Variants in NEDD9 observed in about 807,000 individuals in gnomAD.
NEDD9 encodes the protein neural precursor cell expressed, developmentally down-regulated 9, also known as enhancer of filamentation 1.
In NEDD9, 26 loss-of-function variants were observed where a neutral mutation model predicts 76.6. That is an observed-to-expected ratio of 0.34 (90% CI 0.25 to 0.47). NEDD9 has a LOEUF of 0.47. Among genes scored for constraint, NEDD9 ranks in the 20% least tolerant of loss-of-function variants. The pLI, the probability that NEDD9 is intolerant of heterozygous loss-of-function variation, is 1.00. For synonymous variants in NEDD9, 392 were observed against 414.2 expected (o/e 0.95, Z 0.65); for missense variants, 937 against 1,058.5 (o/e 0.89, Z 1.59).
chr6:11,244,212 T>TG (rs1214479717), intron 3 of NEDD9, among the ~76,000 whole-genome samples: 1 of 152,160 alleles, frequency 6.6e-6, no homozygotes, highest in Non-Finnish European at 1.5e-5. Flanking sequence ...ATTTTGGACT[T>TG]GGAGACAACT....
intron 3 of NEDD9, among the ~76,000 whole-genome samples, chr6:11,290,456 T>C (rs1048481271): frequency 6.6e-6 from 1 of 152,182 alleles, no homozygotes; most frequent in African/African-American, 2.4e-5. Flanking sequence ...TAATTTTATA[T>C]CCCTTAGGAG....
chr6:11,374,283 C>A (rs554653212), intron 1 of NEDD9, among the ~76,000 whole-genome samples: 12 of 152,256 alleles, frequency 7.9e-5, no homozygotes, highest in African/African-American at 2.9e-4. Context: ...CTTCTCCACT[C>A]CGGTGGAGTG....
Position 11,189,993 on chromosome 6 carries a change from T to C in NEDD9, c.1876A>G (p.Met626Val). 5 of 1,523,542 alleles carry C rather than the reference T, an allele frequency of 3.3e-6. No individual in the cohort carries two copies. The highest frequency in any genetic ancestry group is 4.4e-6 in the Non-Finnish European group (5 of 1,137,612). 94.4% of individuals were successfully genotyped at this position (1,523,542 alleles called of 1,614,324 possible). Residue 626 changes from methionine (M) to valine (V), a missense_variant, in exon 5 of 7, where the codon ATG (methionine) becomes GTG (valine). By Grantham distance (21) the Met-to-Val change is conservative. Coordinates refer to ENST00000379446, the MANE Select transcript of NEDD9 (RefSeq NM_006403.4). ...SSSDGSERSW[M>V]DDYDYVHLQG... Reference sequence around the variant, plus strand: ...AGGTGGACGTAATCGTAGTCATCCATCCAGCTCCTCTCAGAACCATCACTG... The same window carrying C: ...AGGTGGACGTAATCGTAGTCATCCACCCAGCTCCTCTCAGAACCATCACTG...
At chr6:11,200,602 G>T in intron 2 of NEDD9, 1 of 1,092,266 alleles carries the variant, frequency 9.2e-7, no homozygotes, top group Non-Finnish European at 1.1e-6. Context: ...ATCAAATCAT[G>T]GGAGAAATGA....
Position 11,213,656 on chromosome 6 carries a change from G to A in NEDD9, c.84C>T (p.Asp28=), listed in dbSNP as rs2113759989. 6.2e-7 allele frequency: 1 copy of A among 1,614,136 alleles called. No individual in the cohort carries two copies. The highest frequency in any genetic ancestry group is 8.5e-7 in the Non-Finnish European group (1 of 1,180,040). ...TGTTCTGCTCTATGACGGTCAGGAT[G>A]TCTCCCTTGCGAAAGGCCAGTTCCT... is the stretch of plus-strand genomic sequence containing the variant. ...CAEELAFRKG[D]ILTVIEQNTG... The change falls in exon 2 of 7, where the codon GAC becomes GAT. Residue 28 remains aspartate, a synonymous_variant. Transcript: ENST00000379446. The surrounding 1 kb of genome is among the most constrained non-coding windows in gnomAD (Gnocchi z 5.4).
chr6:11,262,167 C>T (rs1015888701), intron 3 of NEDD9, among the ~76,000 whole-genome samples: 1 of 152,196 alleles, frequency 6.6e-6, no homozygotes, highest in Non-Finnish European at 1.5e-5. Context: ...CCTGCTGGCC[C>T]AGCTTCTATT....
In NEDD9 at chr6:11,191,139, G is replaced by A. The variant is rs767230607; in HGVS notation, c.730C>T (p.Pro244Ser). ...AGLREKDYDF[P>S]PPMRQAGRPD... The stretch of plus-strand genomic sequence containing the variant: ...CTTCCAGCTTGTCTCATGGGAGGGG[G>A]GAAGTCATAGTCTTTTTCCCTAAGC... The change falls in exon 5 of 7, where the codon CCC (proline) becomes TCC (serine). Residue 244 changes from proline to serine, a missense_variant. By Grantham distance (74) the Pro-to-Ser change is moderately conservative. Coordinates refer to ENST00000379446, the MANE Select transcript of NEDD9 (RefSeq NM_006403.4). 2 of 1,613,906 alleles carry A rather than the reference G, an allele frequency of 1.2e-6. No individual in the cohort carries two copies. Among genetic ancestry groups the A allele is most frequent in the African/African-American group, 2.7e-5 (2 of 74,966 alleles).
Position 11,335,079 on chromosome 6 carries a change from AG to A in NEDD9, c.-213-519del, listed in dbSNP as rs554573841. On this transcript the variant is annotated intron_variant, in intron 1 of 3. Transcript: ENST00000397378. ...TCTTTGGCATTTGAAGCAAATTCAA[AG>A]GGTGAAAAAGCTCGGTAAGTGGGTG... Among the ~76,000 whole-genome samples the A allele has an allele frequency of 2.1e-3, 313 of 152,336 alleles. 1 individual carries two copies. The highest frequency in any genetic ancestry group is 3.8e-3 in the Non-Finnish European group (257 of 68,024).
At chr6:11,195,144 A>G (rs1322143185) in intron 2 of NEDD9, among the ~76,000 whole-genome samples, 1 of 152,230 alleles carries the variant, frequency 6.6e-6, no homozygotes, top group Non-Finnish European at 1.5e-5. Context: ...ACTCAGCCAA[A>G]TGCACCAATG....
intron 1 of NEDD9, among the ~76,000 whole-genome samples, chr6:11,376,015 G>A (rs545536688): frequency 2.0e-5 from 3 of 152,198 alleles, no homozygotes; most frequent in East Asian, 1.9e-4. Flanking sequence ...TAGTAGAGAC[G>A]GGCTTTCACT....
chr6:11,281,957 T>C (rs1362421488), intron 3 of NEDD9, among the ~76,000 whole-genome samples: 3 of 152,042 alleles, frequency 2.0e-5, no homozygotes, highest in African/African-American at 4.8e-5. Flanking sequence ...CAGGCTTGTC[T>C]AGATCTCCTG....
intron 3 of NEDD9, among the ~76,000 whole-genome samples, chr6:11,298,242 A>C (rs996044693): frequency 6.6e-6 from 1 of 152,118 alleles, no homozygotes; most frequent in Non-Finnish European, 1.5e-5. Context: ...CCTACCTGAA[A>C]AAGAGCAGTA....
At position 11,241,670 on chromosome 6, in the gene NEDD9, G is replaced by A. The variant is rs1759709682; in HGVS notation, c.13-27943C>T. On this transcript the variant is annotated intron_variant, in intron 3 of 3. Transcript: ENST00000397378. This position sits in a 1 kb window ranked among gnomAD's most constrained non-coding sequence, Gnocchi z 4.0. ...TGTTTTAAACACCAAATGGCCACTA[G>A]TAATGCCCAGGGTACCTCATTTCTT... 1.3e-5 allele frequency among the ~76,000 whole-genome samples: 2 copies of A among 152,278 alleles called. No individual in the cohort carries two copies. The highest frequency in any genetic ancestry group is 4.2e-4 in the South Asian group (2 of 4,818).
At chr6:11,299,598 C>T (rs1760988820) in intron 3 of NEDD9, among the ~76,000 whole-genome samples, 1 of 152,186 alleles carries the variant, frequency 6.6e-6, no homozygotes, top group Non-Finnish European at 1.5e-5. Context: ...AAACACTTCC[C>T]AGTAGGGGCC....
chr6:11,205,111 AT>A (rs1481783973), intron 2 of NEDD9, among the ~76,000 whole-genome samples: 1 of 152,220 alleles, frequency 6.6e-6, no homozygotes, highest in African/African-American at 2.4e-5. Context: ...AATCATTAGC[AT>A]TGGAGTCAGA....
intron 1 of NEDD9, among the ~76,000 whole-genome samples, chr6:11,371,635 T>C (rs959419583): frequency 6.6e-6 from 1 of 152,236 alleles, no homozygotes; most frequent in Non-Finnish European, 1.5e-5. Flanking sequence ...AAATGTAAGA[T>C]TTTTTAGAGC....
intron 1 of NEDD9, among the ~76,000 whole-genome samples, chr6:11,368,832 T>C (rs1762810488): frequency 6.6e-6 from 1 of 152,240 alleles, no homozygotes; most frequent in Non-Finnish European, 1.5e-5. Context: ...TTCTCTTTTA[T>C]GAAAACTCAT....
At chr6:11,269,167 C>T (rs1363260059) in intron 3 of NEDD9, among the ~76,000 whole-genome samples, 1 of 152,216 alleles carries the variant, frequency 6.6e-6, no homozygotes, top group Admixed American at 6.5e-5. Context: ...AGAACTTCTG[C>T]TCCTTCAGTT....
intron 1 of NEDD9, among the ~76,000 whole-genome samples, chr6:11,350,868 G>A (rs1322337063): frequency 2.0e-5 from 3 of 152,140 alleles, no homozygotes; most frequent in Non-Finnish European, 2.9e-5. Flanking sequence ...AACCAGGGTC[G>A]GGGGGTGGTC....
Sources: gnomAD v4.1 joint callset for allele counts (sites outside exome capture counted in the v4.1 genomes callset) on GRCh38, gnomAD v4.1.1 for gene constraint, Gnocchi (gnomAD v3.1) non-coding constraint, MANE v1.5 for transcripts, NCBI Gene and HGNC (gene_info 2026-07-23, HGNC 2026-07-21) for gene names.